Variants in SDK2 observed in about 807,000 individuals in gnomAD.
SDK2 encodes the protein sidekick cell adhesion molecule 2.
SDK2 carries 105 observed loss-of-function variants against 253.9 expected under a neutral mutation model. The ratio of observed to expected loss-of-function variants is 0.41; its 90% CI spans 0.35 to 0.49. The LOEUF (loss-of-function observed/expected upper bound fraction) is 0.49, where lower values mean the gene tolerates loss of function less well. SDK2 is among the 20% of genes least tolerant of loss of function. The pLI, the probability that SDK2 is intolerant of heterozygous loss-of-function variation, is 0.06. For synonymous variants in SDK2, 1,249 were observed against 1,234.9 expected (o/e 1.01, Z -0.24); for missense variants, 2,608 against 3,003.0 (o/e 0.87, Z 3.07).
At chr17:73,365,435 T>C (rs749134223) in intron 37 of SDK2, 40 bp from the exon 38 acceptor site, 6 of 1,554,336 alleles carry the variant, frequency 3.9e-6, no homozygotes, top group Non-Finnish European at 5.2e-6. Context: ...CCTTCTTCTG[T>C]GGAAGTTCAA....
At chr17:73,584,667 A>G (rs1419335422) in intron 1 of SDK2, among the ~76,000 whole-genome samples, 1 of 149,780 alleles carries the variant, frequency 6.7e-6, no homozygotes, top group Non-Finnish European at 1.5e-5. Context: ...TCTGCCACTG[A>G]CTTACAGAGT....
chr17:73,346,960 T>C (rs1408531100), intron 44 of SDK2, among the ~76,000 whole-genome samples: 1 of 152,194 alleles, frequency 6.6e-6, no homozygotes, highest in Non-Finnish European at 1.5e-5. Context: ...CAGCCCCCAC[T>C]TGAAGGTCGC....
chr17:73,609,690 C>T lies in SDK2; in HGVS notation c.64+34335G>A, dbSNP rs1307661011. The stretch of plus-strand genomic sequence containing the variant: ...AAGGGAGGTAATGGGTACCCTCTTA[C>T]CTACGTGCAGTTTACAAGAGTTCTC... On this transcript the variant is annotated intron_variant, in intron 1 of 44. Transcript: ENST00000392650. The surrounding 1 kb of genome is among the most constrained non-coding windows in gnomAD (Gnocchi z 4.4). 6.6e-6 allele frequency among the ~76,000 whole-genome samples: 1 copy of T among 152,152 alleles called. No homozygotes were observed. Among genetic ancestry groups the T allele is most frequent in the Non-Finnish European group, 1.5e-5 (1 of 68,020 alleles).
In SDK2 at chr17:73,595,205, G is replaced by A. The variant is rs559736953; in HGVS notation, c.64+48820C>T. On this transcript the variant is annotated intron_variant, in intron 1 of 44. Coordinates refer to ENST00000392650, the MANE Select transcript of SDK2 (RefSeq NM_001144952.2). ...GAATTCGAGTGTGGGTGAAGGTGAG[G>A]AGGAGGAGGAGGAGGAGGGAGGAAA... 2.8e-3 allele frequency among the ~76,000 whole-genome samples: 258 copies of A among 91,054 alleles called. 3 individuals are homozygous for A. The highest frequency in any genetic ancestry group is 4.3e-3 in the Non-Finnish European group (184 of 42,654). 59.7% of individuals were successfully genotyped at this position (91,054 alleles called of 152,430 possible).
intron 14 of SDK2, 32 bp from the exon 15 acceptor site, chr17:73,422,466 T>C (rs9894213): frequency 0.76 from 1,213,954 of 1,604,296 alleles, 468,459 homozygotes; most frequent in Non-Finnish European, 0.8. Context: ...CAGAAGTGGG[T>C]ATCTTGGGTG....
chr17:73,397,974 T>G, intron 24 of SDK2, 61 bp downstream of exon 24: 1 of 1,571,948 alleles, frequency 6.4e-7, no homozygotes, highest in South Asian at 1.1e-5. Context: ...GTGCACCTTC[T>G]AGGAGGCAAT....
intron 31 of SDK2, 32 bp downstream of exon 31, chr17:73,386,413 G>A: frequency 7.0e-7 from 1 of 1,419,092 alleles, no homozygotes; most frequent in Non-Finnish European, 9.7e-7. Flanking sequence ...CCAGTGGGCT[G>A]AGAGAGAGAC....
chr17:73,469,992 G>GCACGCACACA (rs1555585114), intron 3 of SDK2, among the ~76,000 whole-genome samples: 3 of 126,184 alleles, frequency 2.4e-5, no homozygotes, highest in Admixed American at 1.6e-4. Flanking sequence ...GCGCGCGCGC[G>GCACGCACACA]CACACACACA....
At chr17:73,421,282 A>AC in intron 15 of SDK2, among the ~76,000 whole-genome samples, 1 of 152,054 alleles carries the variant, frequency 6.6e-6, no homozygotes, top group East Asian at 1.9e-4. Context: ...AGATTGTTTG[A>AC]CCCCAGTGGT....
Position 73,390,273 on chromosome 17 carries a change from C to G in SDK2, c.4192+14G>C. 1 of 1,554,748 alleles carries G rather than the reference C, an allele frequency of 6.4e-7. No individual in the cohort carries two copies. The highest frequency in any genetic ancestry group is 8.7e-7 in the Non-Finnish European group (1 of 1,154,156). On this transcript the variant is annotated intron_variant, in intron 29 of 44. Coordinates refer to ENST00000392650, the MANE Select transcript of SDK2 (RefSeq NM_001144952.2). ...GCTGCCCCCAAGCCTTCCCTGGCCC[C>G]CGTGGGCAGTCACCTCTCTTCTCGG...
At position 73,413,975 on chromosome 17, in the gene SDK2, G is replaced by T. The variant is rs74848164; in HGVS notation, c.2484+669C>A. Among the ~76,000 whole-genome samples, 511 of 152,202 alleles carry T rather than the reference G, an allele frequency of 3.4e-3. 15 individuals carry two copies. In the East Asian group the frequency reaches 0.056, roughly 17 times the overall value. On this transcript the variant is annotated intron_variant, in intron 18 of 44. Transcript: ENST00000392650. ...ATGAAGCCCACAAGAGCCACGGTAA[G>T]AAGTGAATGGTGGATTTTTCTCATG...
At chr17:73,545,087 G>A (rs934342266) in intron 1 of SDK2, among the ~76,000 whole-genome samples, 5 of 95,700 alleles carry the variant, frequency 5.2e-5, no homozygotes, top group South Asian at 3.2e-4. Flanking sequence ...TTCTCATTGC[G>A]TGCACGTGCA....
chr17:73,416,899 TTAAAAA>T (rs2063186985), intron 16 of SDK2, among the ~76,000 whole-genome samples: 1 of 152,072 alleles, frequency 6.6e-6, no homozygotes, highest in African/African-American at 2.4e-5. Context: ...ACACAGAGTT[TTAAAAA>T]TAAACATATC....
chr17:73,462,475 T>G (rs970394310), intron 3 of SDK2, among the ~76,000 whole-genome samples: 3 of 152,062 alleles, frequency 2.0e-5, no homozygotes, highest in Admixed American at 6.5e-5. Context: ...TGTTTATATG[T>G]ATGCATATTT....
intron 44 of SDK2, among the ~76,000 whole-genome samples, chr17:73,343,022 G>C (rs1204282109): frequency 6.6e-6 from 1 of 152,178 alleles, no homozygotes; most frequent in Non-Finnish European, 1.5e-5. Context: ...AATGGGAGTA[G>C]AAGGTTAGCT....
chr17:73,433,263 G>C (rs549925779), intron 10 of SDK2, among the ~76,000 whole-genome samples: 1 of 151,934 alleles, frequency 6.6e-6, no homozygotes, highest in East Asian at 1.9e-4. Context: ...CTTGAGCCTG[G>C]CAAGGCTGGG....
chr17:73,380,060 G>A (rs1412948147), intron 34 of SDK2, among the ~76,000 whole-genome samples: 3 of 152,172 alleles, frequency 2.0e-5, no homozygotes, highest in Admixed American at 6.5e-5. Flanking sequence ...GCTTGGCTGA[G>A]AATGCCTGGC....
intron 1 of SDK2, among the ~76,000 whole-genome samples, chr17:73,615,946 T>C (rs2046049444): frequency 6.6e-6 from 1 of 152,170 alleles, no homozygotes; most frequent in Non-Finnish European, 1.5e-5. Flanking sequence ...CACATGCATG[T>C]GACACACATG....
intron 1 of SDK2, among the ~76,000 whole-genome samples, chr17:73,637,284 C>T (rs8071130): frequency 0.3 from 45,734 of 152,032 alleles, 7,086 homozygotes; most frequent in South Asian, 0.36. Context: ...TTCCAGCACA[C>T]GAAAGCCTGC....
Sources: gnomAD v4.1 joint callset for allele counts (sites outside exome capture counted in the v4.1 genomes callset) on GRCh38, gnomAD v4.1.1 for gene constraint, Gnocchi (gnomAD v3.1) non-coding constraint, MANE v1.5 for transcripts, NCBI Gene and HGNC (gene_info 2026-07-23, HGNC 2026-07-21) for gene names.